Variants in FLNB observed in about 807,000 individuals in gnomAD.
FLNB encodes the protein filamin B, also known as filamin-B.
FLNB carries 111 observed loss-of-function variants against 250.6 expected under a neutral mutation model. That is an observed-to-expected ratio of 0.44 (90% confidence interval 0.38 to 0.52). The LOEUF (loss-of-function observed/expected upper bound fraction) is 0.52. FLNB is among the 20% of genes least tolerant of loss of function. The pLI is 0.00. For missense variants in FLNB, 2,869 were observed against 3,447.8 expected, an observed-to-expected ratio of 0.83 and a Z score of 4.20; for synonymous variants, 1,302 against 1,372.1, an observed-to-expected ratio of 0.95 and a Z score of 1.13.
At chr3:58,043,846 G>C (rs1051628093) in intron 1 of FLNB, among the ~76,000 whole-genome samples, 5 of 152,076 alleles carry the variant, frequency 3.3e-5, no homozygotes, top group African/African-American at 1.2e-4. Flanking sequence ...CCCAGTACTG[G>C]GCATCAGAAA....
Position 58,102,334 on chromosome 3 carries a change from G to A in FLNB, c.1477G>A (p.Gly493Ser). The change falls in exon 9 of 46, where the codon GGT (glycine) becomes AGT (serine). Residue 493 changes from glycine to serine, a missense_variant. By Grantham distance (56) the Gly-to-Ser change is moderately conservative (BLOSUM62 0). Coordinates refer to ENST00000295956, the MANE Select transcript of FLNB (RefSeq NM_001457.4). ...GSGELGVTMK[G>S]PKGLEELVKQ... is the part of the protein sequence containing the mutation. ...TGGGGAGCTCGGTGTAACCATGAAG[G>A]GTCCTAGTAAGTGTTCCTTTGTTTC... 1 of 1,611,920 alleles carries A rather than the reference G, an allele frequency of 6.2e-7. No homozygotes were observed. Among genetic ancestry groups the A allele is most frequent in the South Asian group, 1.1e-5 (1 of 90,956 alleles).
rs903773375 is a variant in FLNB, at chr3:58,019,938, G to T, written c.292+11082G>T. Among the ~76,000 whole-genome samples the T allele has an allele frequency of 1.9e-4, 29 of 152,328 alleles. No homozygotes were observed. The South Asian group carries it at 6.0e-3, about 32-fold the overall frequency. ...ACCAGCTAAAGGTTGCTTTGGAGGA[G>T]GTGGGCAGGGCTTTTGTTTGTGAGG... On this transcript the variant is annotated intron_variant, in intron 1 of 45. Transcript: ENST00000295956.
At chr3:58,022,366 T>C (rs7652117) in intron 1 of FLNB, among the ~76,000 whole-genome samples, 88,056 of 152,014 alleles carry the variant, frequency 0.58, 26,546 homozygotes, top group South Asian at 0.77. Flanking sequence ...GGGTCTGGGG[T>C]CCCAGTGGAA....
intron 43 of FLNB, chr3:58,163,666 T>C (rs902332561): frequency 1.7e-5 from 6 of 345,740 alleles, no homozygotes; most frequent in African/African-American, 1.3e-4. Flanking sequence ...GAGGGTTTCT[T>C]TGCCTGCACA....
At chr3:58,063,614 G>A (rs1194618748) in intron 1 of FLNB, among the ~76,000 whole-genome samples, 1 of 152,170 alleles carries the variant, frequency 6.6e-6, no homozygotes, top group Non-Finnish European at 1.5e-5. Flanking sequence ...AGAGCCAGCG[G>A]TTATAAATTA....
intron 1 of FLNB, among the ~76,000 whole-genome samples, chr3:58,009,576 C>T (rs1013579701): frequency 6.6e-6 from 1 of 152,176 alleles, no homozygotes; most frequent in Non-Finnish European, 1.5e-5. Flanking sequence ...GGGAGCCCAA[C>T]TAGCGTCCAC....
intron 1 of FLNB, among the ~76,000 whole-genome samples, chr3:58,069,610 C>T (rs114457509): frequency 0.017 from 2,531 of 152,028 alleles, 69 homozygotes; most frequent in African/African-American, 0.058. Context: ...ACGTCTGAGC[C>T]GGGTGGTTTA....
In FLNB at chr3:58,106,868, G is replaced by C. The variant is rs2107107523; in HGVS notation, c.1936G>C (p.Asp646His). 6.2e-7 allele frequency: 1 copy of C among 1,613,358 alleles called. No individual in the cohort carries two copies. The highest frequency in any genetic ancestry group is 1.7e-5 in the Admixed American group (1 of 60,022). ...IHPATGGYNP[D>H]LVRAYGPGLE... ...CCCAGCCACGGGAGGCTACAACCCT[G>C]ATCTGGTGAATCAGCTGCTGTGCTT... The change falls in exon 12 of 46, where the codon GAT (aspartate) becomes CAT (histidine). Residue 646 changes from aspartate (D) to histidine (H), a missense_variant. Asp to His is a moderately conservative substitution (Grantham distance 81). Around this residue, in one of 5 missense-constraint regions of FLNB, gnomAD observed 1,348 missense variants for 1,466.7 expected, o/e 0.92. Coordinates refer to ENST00000295956, the MANE Select transcript of FLNB (RefSeq NM_001457.4).
At chr3:58,086,852 C>T (rs574049535) in intron 4 of FLNB, among the ~76,000 whole-genome samples, 50 of 152,280 alleles carry the variant, frequency 3.3e-4, no homozygotes, top group African/African-American at 1.1e-3. Context: ...TGGTGGCTCA[C>T]GCCTGTAATC....
intron 32 of FLNB, 78 bp from the exon 33 acceptor site, chr3:58,145,842 CG>C: frequency 3.2e-6 from 5 of 1,585,370 alleles, no homozygotes; most frequent in Non-Finnish European, 4.3e-6. Context: ...GAGAGGTGGA[CG>C]TCAAGATGCC....
chr3:58,057,193 C>G (rs1289390587), intron 1 of FLNB, among the ~76,000 whole-genome samples: 2 of 151,984 alleles, frequency 1.3e-5, no homozygotes, highest in African/African-American at 4.8e-5. Context: ...CCAGGCTGAT[C>G]CTGAACTCCT....
rs139779119 is a variant in FLNB, at chr3:58,106,529, A to G, written c.1748-151A>G. On this transcript the variant is annotated intron_variant, in intron 11 of 45. Coordinates refer to ENST00000295956, the MANE Select transcript of FLNB (RefSeq NM_001457.4). ...TTCCATCTCTACTGAAGACTTAATG[A>G]GCTTGGTTTTGGAAGAAAGGGATAC... 3,399 of 695,678 alleles carry G rather than the reference A, an allele frequency of 4.9e-3. 25 individuals are homozygous for G. The highest frequency in any genetic ancestry group is 8.4e-3 in the Middle Eastern group (24 of 2,866). The allele number at this position is 695,678 out of a possible 1,614,324, so 43.1% of individuals were successfully genotyped here.
chr3:58,138,268 G>T lies in FLNB; in HGVS notation c.4862-14G>T. On this transcript the variant is annotated splice_polypyrimidine_tract_variant and intron_variant, in intron 28 of 45. Transcript: ENST00000295956. ...GTCCATACTTCCATTCTCTTCCCCT[G>T]AACTCTTCTCCAGGTCCTGGAATCG... is the stretch of plus-strand genomic sequence containing the variant. 6.2e-7 allele frequency: 1 copy of T among 1,613,254 alleles called. No individual in the cohort carries two copies. Among genetic ancestry groups the T allele is most frequent in the South Asian group, 1.1e-5 (1 of 90,968 alleles).
At position 58,077,263 on chromosome 3, in the gene FLNB, C is replaced by T. The variant is rs770601581; in HGVS notation, c.510C>T (p.Ala170=). 6 of 1,614,044 alleles carry T rather than the reference C, an allele frequency of 3.7e-6. No homozygotes were observed. In the Admixed American group the frequency reaches 8.3e-5, roughly 22 times the overall value. ...ACCAGAACTGGCAAGACGGCAAAGCCCTGGGAGCCCTGGTAGACAGCTGTG... is the reference window on the plus strand; with the variant it reads ...ACCAGAACTGGCAAGACGGCAAAGCTCTGGGAGCCCTGGTAGACAGCTGTG... ...NFNQNWQDGK[A]LGALVDSCAP... Residue 170 remains alanine, a synonymous_variant, in exon 2 of 46, where the codon GCC becomes GCT. Coordinates refer to ENST00000295956, the MANE Select transcript of FLNB (RefSeq NM_001457.4).
intron 24 of FLNB, among the ~76,000 whole-genome samples, chr3:58,128,015 T>C (rs1260620053): frequency 6.6e-6 from 1 of 152,124 alleles, no homozygotes; most frequent in Non-Finnish European, 1.5e-5. Context: ...CTGGGCCACT[T>C]ATGCCTTGTC....
chr3:58,042,888 T>A (rs982709698), intron 1 of FLNB, among the ~76,000 whole-genome samples: 1 of 152,128 alleles, frequency 6.6e-6, no homozygotes, highest in Non-Finnish European at 1.5e-5. Context: ...GATTTTCTAC[T>A]GGGAATGTTT....
At chr3:58,128,536 G>C (rs2097301525) in intron 24 of FLNB, among the ~76,000 whole-genome samples, 1 of 152,158 alleles carries the variant, frequency 6.6e-6, no homozygotes, top group South Asian at 2.1e-4. Context: ...AATGAGAATG[G>C]GGCTCGGTGA....
intron 1 of FLNB, among the ~76,000 whole-genome samples, chr3:58,074,811 A>G (rs887310016): frequency 1.3e-5 from 2 of 152,152 alleles, no homozygotes; most frequent in African/African-American, 4.8e-5. Context: ...CATTATAGAG[A>G]AAGTCCTTGG....
At chr3:58,091,898 T>C (rs1341400724) in intron 4 of FLNB, among the ~76,000 whole-genome samples, 1 of 152,162 alleles carries the variant, frequency 6.6e-6, no homozygotes, top group East Asian at 1.9e-4. Context: ...GGATTTTACT[T>C]TTACAAACAA....
Sources: allele counts gnomAD v4.1 joint callset (sites outside exome capture counted in the v4.1 genomes callset), GRCh38; gene constraint gnomAD v4.1.1; regional missense constraint gnomAD v4.1.1; transcripts MANE v1.5; gene names NCBI Gene and HGNC (gene_info 2026-07-23, HGNC 2026-07-21).